The following MDGA2 variants were observed in gnomAD, a reference collection of about 807,000 sequenced individuals.
MDGA2 encodes the protein MAM domain-containing glycosylphosphatidylinositol anchor protein 2.
Under a neutral mutation model 117.8 loss-of-function variants are expected in MDGA2, and 40 were observed. The ratio of observed to expected loss-of-function variants is 0.34; its 90% confidence interval spans 0.26 to 0.44. MDGA2 has a LOEUF of 0.44. Ranked by LOEUF, MDGA2 falls within the 20% of genes least tolerant of loss-of-function variation. The pLI, the probability that MDGA2 is intolerant of heterozygous loss-of-function variation, is 1.00. For synonymous variants in MDGA2, 452 were observed against 439.0 expected (o/e 1.03, Z -0.37); for missense variants, 1,123 against 1,250.6 (o/e 0.90, Z 1.54).
intron 1 of MDGA2, among the ~76,000 whole-genome samples, chr14:47,443,573 T>G (rs1236896244): frequency 6.6e-6 from 1 of 152,198 alleles, no homozygotes; most frequent in Non-Finnish European, 1.5e-5. Context: ...CATTTCACCA[T>G]TGCATAATTC....
At chr14:47,239,853 A>C (rs1886981622) in intron 2 of MDGA2, among the ~76,000 whole-genome samples, 1 of 151,710 alleles carries the variant, frequency 6.6e-6, no homozygotes, top group African/African-American at 2.4e-5. Context: ...TTTATATCAA[A>C]ATTTTATATC....
At chr14:47,084,449 A>T (rs1381052984) in intron 6 of MDGA2, among the ~76,000 whole-genome samples, 1 of 151,944 alleles carries the variant, frequency 6.6e-6, no homozygotes, top group African/African-American at 2.4e-5. Context: ...GAAAAGTCTC[A>T]AGTAAATTAT....
At chr14:47,395,972 T>A (rs1891999029) in intron 1 of MDGA2, among the ~76,000 whole-genome samples, 1 of 152,134 alleles carries the variant, frequency 6.6e-6, no homozygotes, top group Admixed American at 6.6e-5. Flanking sequence ...AAACAAAAAG[T>A]AAACCCAGGT....
chr14:47,138,512 T>C (rs1882564162), intron 4 of MDGA2, among the ~76,000 whole-genome samples: 1 of 152,090 alleles, frequency 6.6e-6, no homozygotes, highest in Non-Finnish European at 1.5e-5. Flanking sequence ...TCTTAAACAA[T>C]TACAAAATTA....
At chr14:47,106,949 G>A (rs1202908374) in intron 5 of MDGA2, among the ~76,000 whole-genome samples, 1 of 121,372 alleles carries the variant, frequency 8.2e-6, no homozygotes, top group African/African-American at 3.4e-5. Flanking sequence ...TTATTAGGCC[G>A]AGACACTTTA....
At chr14:47,171,399 C>A (rs893484552) in intron 3 of MDGA2, among the ~76,000 whole-genome samples, 2 of 152,028 alleles carry the variant, frequency 1.3e-5, no homozygotes, top group Admixed American at 1.3e-4. Context: ...CACACTGTTA[C>A]CATTGAGAGA....
chr14:46,994,959 T>A (rs1350774073), intron 8 of MDGA2, among the ~76,000 whole-genome samples: 1 of 152,110 alleles, frequency 6.6e-6, no homozygotes, highest in Non-Finnish European at 1.5e-5. Context: ...ACAAGTATCA[T>A]TCTTGTGGAT....
chr14:47,665,736 G>C (rs1324417065), intron 1 of MDGA2, among the ~76,000 whole-genome samples: 1 of 131,250 alleles, frequency 7.6e-6, no homozygotes, highest in Non-Finnish European at 1.8e-5. Context: ...CACTGCACTT[G>C]ATTTCTTGTC....
chr14:47,545,119 T>G (rs1895435638), intron 1 of MDGA2, among the ~76,000 whole-genome samples: 1 of 152,166 alleles, frequency 6.6e-6, no homozygotes, highest in Non-Finnish European at 1.5e-5. Context: ...ATTGTGAAAA[T>G]CTGTCAGGTT....
intron 10 of MDGA2, among the ~76,000 whole-genome samples, chr14:46,905,697 A>G (rs1300859602): frequency 6.6e-6 from 1 of 152,174 alleles, no homozygotes; most frequent in East Asian, 1.9e-4. Flanking sequence ...CGTGACAGAA[A>G]AAAATGAAAT....
intron 7 of MDGA2, among the ~76,000 whole-genome samples, chr14:47,046,237 A>G (rs1889260366): frequency 6.6e-6 from 1 of 152,164 alleles, no homozygotes; most frequent in Admixed American, 6.6e-5. Flanking sequence ...TTCATTTACT[A>G]AGAAATGGCT....
At chr14:46,967,747 T>C (rs1375342761) in intron 8 of MDGA2, among the ~76,000 whole-genome samples, 1 of 152,152 alleles carries the variant, frequency 6.6e-6, no homozygotes, top group Non-Finnish European at 1.5e-5. Context: ...CTGAACACTA[T>C]ATTTACTGTT....
intron 1 of MDGA2, among the ~76,000 whole-genome samples, chr14:47,530,585 A>G (rs1895077539): frequency 6.6e-6 from 1 of 152,030 alleles, no homozygotes; most frequent in South Asian, 2.1e-4. Flanking sequence ...ACTTACCCCC[A>G]TCCTCACTAA....
intron 10 of MDGA2, among the ~76,000 whole-genome samples, chr14:46,903,046 G>A (rs375587623): frequency 6.6e-5 from 10 of 152,182 alleles, no homozygotes; most frequent in Non-Finnish European, 1.5e-5. Flanking sequence ...GAGGAGCTGC[G>A]CCTCTTCAGT....
intron 1 of MDGA2, among the ~76,000 whole-genome samples, chr14:47,327,574 C>T (rs532000032): frequency 2.0e-5 from 3 of 152,202 alleles, no homozygotes; most frequent in East Asian, 1.9e-4. Context: ...TTATTGCACT[C>T]GTCTTCCAGA....
chr14:47,659,859 T>C (rs1270201534), intron 1 of MDGA2, among the ~76,000 whole-genome samples: 1 of 152,224 alleles, frequency 6.6e-6, no homozygotes, highest in Non-Finnish European at 1.5e-5. Flanking sequence ...TACTCTATCC[T>C]TTACAAAGGC....
chr14:47,656,061 T>A (rs59093114), intron 1 of MDGA2, among the ~76,000 whole-genome samples: 21,225 of 152,186 alleles, frequency 0.14, 1,489 homozygotes, highest in Middle Eastern at 0.18. Context: ...GTTTATGGCA[T>A]ACTACTGGGA....
intron 8 of MDGA2, among the ~76,000 whole-genome samples, chr14:46,968,355 C>T (rs1886118297): frequency 6.6e-6 from 1 of 151,974 alleles, no homozygotes; most frequent in Non-Finnish European, 1.5e-5. Flanking sequence ...TGCAAAAATC[C>T]CAAAAAAATA....
intron 5 of MDGA2, among the ~76,000 whole-genome samples, chr14:47,115,801 T>C (rs1326563400): frequency 6.6e-6 from 1 of 152,032 alleles, no homozygotes; most frequent in East Asian, 1.9e-4. Flanking sequence ...AATAAAAGCC[T>C]ATATGTAACT....
Sources: allele counts gnomAD v4.1 joint callset (sites outside exome capture counted in the v4.1 genomes callset), GRCh38; gene constraint gnomAD v4.1.1; transcripts MANE v1.5; gene names NCBI Gene and HGNC (gene_info 2026-07-23, HGNC 2026-07-21).